NFAM1: variants seen among roughly 807,000 people sequenced by gnomAD.
NFAM1 encodes the protein NFAT activation molecule 1.
A neutral mutation model predicts 29.0 loss-of-function variants in NFAM1; 17 were observed. The observed-to-expected ratio is 0.59, with a 90% CI of 0.40 to 0.88. The LOEUF is 0.88. Among genes scored for constraint, NFAM1 ranks in the 40% least tolerant of loss-of-function variants. The pLI is 0.00. For missense variants in NFAM1, 324 were observed against 344.6 expected (o/e 0.94, Z 0.47); for synonymous variants, 175 against 147.2 (o/e 1.19, Z -1.36).
intron 1 of NFAM1, among the ~76,000 whole-genome samples, chr22:42,412,210 C>T (rs535298541): frequency 6.6e-6 from 1 of 151,220 alleles, no homozygotes; most frequent in Non-Finnish European, 1.5e-5. Context: ...CTAGCCTGGG[C>T]GACAAGAGCA....
chr22:42,405,636 A>C (rs1237106121), intron 3 of NFAM1, among the ~76,000 whole-genome samples: 1 of 152,160 alleles, frequency 6.6e-6, no homozygotes, highest in Non-Finnish European at 1.5e-5. Flanking sequence ...GTGGGTCTCC[A>C]TCCTAACCCT....
At chr22:42,437,439 G>A in the NFAM1 span, among the ~76,000 whole-genome samples, 2 of 152,006 alleles carry the variant, frequency 1.3e-5, no homozygotes, top group African/African-American at 2.4e-5. Flanking sequence ...TACCATACCC[G>A]GCCACAATTT....
intron 4 of NFAM1, among the ~76,000 whole-genome samples, chr22:42,397,421 A>C (rs1213395393): frequency 6.6e-6 from 1 of 152,232 alleles, no homozygotes; most frequent in Non-Finnish European, 1.5e-5. Context: ...AAATCATTAC[A>C]AATCACTGAT....
chr22:42,437,302 C>A (rs1930965177), upstream of NFAM1, among the ~76,000 whole-genome samples: 1 of 151,954 alleles, frequency 6.6e-6, no homozygotes, highest in African/African-American at 2.4e-5. Context: ...ACCACCACAC[C>A]CGGCTATGTT....
In NFAM1 at chr22:42,385,223, G is replaced by A; in HGVS notation, c.754-3C>T. The A allele has an allele frequency of 6.2e-7, 1 of 1,600,086 alleles. No homozygotes were observed. The highest frequency in any genetic ancestry group is 8.6e-7 in the Non-Finnish European group (1 of 1,167,242). On this transcript the variant is annotated splice_region_variant and splice_polypyrimidine_tract_variant and intron_variant, in intron 5 of 5. Coordinates refer to ENST00000329021, the MANE Select transcript of NFAM1 (RefSeq NM_145912.8). ...TCTTCGAATCTATGCGGTCTCTCCTGGATAGAAAAGAAGAAAGGGAGGGAA... is the reference window on the plus strand; with the variant it reads ...TCTTCGAATCTATGCGGTCTCTCCTAGATAGAAAAGAAGAAAGGGAGGGAA...
At chr22:42,421,779 C>G (rs1489849493) in intron 1 of NFAM1, among the ~76,000 whole-genome samples, 1 of 152,372 alleles carries the variant, frequency 6.6e-6, no homozygotes, top group East Asian at 1.9e-4. Flanking sequence ...GCAGTTCCCA[C>G]AGTCTTTATT....
Position 42,409,388 on chromosome 22 carries a change from G to A in NFAM1, c.564+47C>T. ...GCAGAGGGCAGGCGGGCAGCCGGTGGCGTGTCGGGTGGAGGGGCTGCATGG... is the reference window on the plus strand; with the variant it reads ...GCAGAGGGCAGGCGGGCAGCCGGTGACGTGTCGGGTGGAGGGGCTGCATGG... On this transcript the variant is annotated intron_variant, in intron 3 of 5. Coordinates refer to ENST00000329021, the MANE Select transcript of NFAM1 (RefSeq NM_145912.8). This position sits in a 1 kb window ranked among gnomAD's most constrained non-coding sequence, Gnocchi z 4.9. The A allele has an allele frequency of 9.4e-7, 1 of 1,059,222 alleles. No homozygotes were observed. Among genetic ancestry groups the A allele is most frequent in the Non-Finnish European group, 1.3e-6 (1 of 747,966 alleles). The allele number at this position is 1,059,222 out of a possible 1,614,324, so 65.6% of individuals were successfully genotyped here.
chr22:42,387,040 G>A lies in NFAM1; in HGVS notation c.702C>T (p.Ile234=), dbSNP rs371966616. The change falls in exon 5 of 6, where the codon ATC becomes ATT. Residue 234 remains isoleucine, a synonymous_variant. Transcript: ENST00000329021. ...TGGGTGAGCTGCCATCCTCATTCTCGATGCAGGCATAGACCTCGGTCTCGC... is the reference window on the plus strand; with the variant it reads ...TGGGTGAGCTGCCATCCTCATTCTCAATGCAGGCATAGACCTCGGTCTCGC... The part of the protein sequence containing the change: ...QRRETEVYAC[I]ENEDGSSPTA... 21 of 1,587,112 alleles carry A rather than the reference G, an allele frequency of 1.3e-5. No homozygotes were observed. The highest frequency in any genetic ancestry group is 1.7e-4 in the Middle Eastern group (1 of 6,016).
At chr22:42,404,307 G>A (rs1275098005) in intron 3 of NFAM1, among the ~76,000 whole-genome samples, 1 of 152,042 alleles carries the variant, frequency 6.6e-6, no homozygotes, top group Non-Finnish European at 1.5e-5. Flanking sequence ...GCCACTTCTG[G>A]TTGGTAGTTT....
At chr22:42,429,111 C>T (rs1263248513) in intron 1 of NFAM1, among the ~76,000 whole-genome samples, 1 of 152,134 alleles carries the variant, frequency 6.6e-6, no homozygotes, top group Non-Finnish European at 1.5e-5. Context: ...AGCTGGAGGC[C>T]GTGGGCTCAC....
At chr22:42,412,502 C>T (rs552039732) in intron 1 of NFAM1, among the ~76,000 whole-genome samples, 4 of 152,354 alleles carry the variant, frequency 2.6e-5, no homozygotes, top group Non-Finnish European at 5.9e-5. Context: ...GGCTGGGGAA[C>T]ACCAGAGCCT....
At chr22:42,398,490 G>A (rs1399082560) in intron 3 of NFAM1, among the ~76,000 whole-genome samples, 1 of 151,440 alleles carries the variant, frequency 6.6e-6, no homozygotes, top group Non-Finnish European at 1.5e-5. Context: ...TCAGCTTACT[G>A]CAACCTCTGC....
At chr22:42,435,596 C>T (rs376554085), upstream of NFAM1, among the ~76,000 whole-genome samples, 27 of 152,100 alleles carry the variant, frequency 1.8e-4, no homozygotes, top group East Asian at 5.0e-3. Flanking sequence ...ATCCGCCCAC[C>T]TCAGCCTCCC....
At chr22:42,427,815 A>G (rs1930670804) in intron 1 of NFAM1, among the ~76,000 whole-genome samples, 3 of 152,216 alleles carry the variant, frequency 2.0e-5, no homozygotes, top group Non-Finnish European at 4.4e-5. Context: ...CGGGATGTGT[A>G]CTAATGATAA....
Position 42,396,719 on chromosome 22 carries a change from C to A in NFAM1, c.663+1139G>T, listed in dbSNP as rs1298154220. Among the ~76,000 whole-genome samples the A allele has an allele frequency of 2.0e-5, 3 of 152,204 alleles. No homozygotes were observed. The East Asian group carries it at 5.8e-4, about 29-fold the overall frequency. ...GGGGAAGCTGAAAGCCCTTTGAGAACCATCACATTCCACTTGGAACTGTTG... is the reference window on the plus strand; with the variant it reads ...GGGGAAGCTGAAAGCCCTTTGAGAAACATCACATTCCACTTGGAACTGTTG... On this transcript the variant is annotated intron_variant, in intron 4 of 5. Transcript: ENST00000329021.
chr22:42,400,169 C>T (rs1929679270), intron 3 of NFAM1, among the ~76,000 whole-genome samples: 1 of 152,230 alleles, frequency 6.6e-6, no homozygotes, highest in African/African-American at 2.4e-5. Flanking sequence ...GGAGTTTTGA[C>T]TCCTCTGCTT....
In NFAM1 at chr22:42,385,161, C is replaced by G; in HGVS notation, c.813G>C (p.Ter271TyrextTer7). The change falls in exon 6 of 6, where the codon TAG becomes TAC. Residue 271 changes from the stop codon to tyrosine (Y), a stop_lost. Transcript: ENST00000329021. ...GELNLVYENL[*>Y] ...AGCTCTATGAGCGGTGGAGCCCATC[C>G]TAGAGATTTTCATAGACCAGGTTAA... 2 of 1,611,576 alleles carry G rather than the reference C, an allele frequency of 1.2e-6. No individual in the cohort carries two copies. The highest frequency in any genetic ancestry group is 2.2e-5 in the South Asian group (2 of 91,034).
rs1202976334 is a variant in NFAM1, at chr22:42,386,991, G to T, written c.751C>A (p.Gln251Lys). The change falls in exon 5 of 6, where the codon CAG (glutamine) becomes AAG (lysine). Residue 251 changes from glutamine to lysine, a missense_variant and splice_region_variant. Transcript: ENST00000329021. ...TTGGTGCCCCAGCGCCTGTGTACCTGGGAGAGGGGGCTCTGCTTGGCGGTG... is the reference window on the plus strand; with the variant it reads ...TTGGTGCCCCAGCGCCTGTGTACCTTGGAGAGGGGGCTCTGCTTGGCGGTG... ...SPTAKQSPLS[Q>K]ERPHRFEDDG... 3.2e-6 allele frequency: 5 copies of T among 1,545,812 alleles called. No individual in the cohort carries two copies. Among genetic ancestry groups the T allele is most frequent in the Non-Finnish European group, 4.4e-6 (5 of 1,139,090 alleles).
At chr22:42,399,471 A>G (rs903523204) in intron 3 of NFAM1, among the ~76,000 whole-genome samples, 13 of 150,866 alleles carry the variant, frequency 8.6e-5, no homozygotes, top group Non-Finnish European at 1.8e-4. Flanking sequence ...AAAGAAAGAA[A>G]GAAAAAAAGA....
Sources: allele counts gnomAD v4.1 joint callset (sites outside exome capture counted in the v4.1 genomes callset), GRCh38; gene constraint gnomAD v4.1.1; non-coding constraint Gnocchi (gnomAD v3.1); transcripts MANE v1.5; gene names NCBI Gene and HGNC (gene_info 2026-07-23, HGNC 2026-07-21).